The following TTLL6 variants were observed in gnomAD, a reference collection of about 807,000 sequenced individuals.
TTLL6 encodes tubulin tyrosine ligase like 6.
Under a neutral mutation model 96.4 loss-of-function variants are expected in TTLL6, and 75 were observed. The observed-to-expected ratio is 0.78, with a 90% CI of 0.65 to 0.94. TTLL6 has a LOEUF of 0.94. Ranked by LOEUF, TTLL6 falls within the 40% of genes least tolerant of loss-of-function variation. TTLL6 has a pLI of 0.00. For missense variants in TTLL6, 1,030 were observed against 1,093.0 expected (o/e 0.94, Z 0.81); for synonymous variants, 411 against 419.4 (o/e 0.98, Z 0.24).
intron 1 of TTLL6, among the ~76,000 whole-genome samples, chr17:48,809,944 C>T (rs1055044438): frequency 3.8e-4 from 58 of 151,770 alleles, no homozygotes; most frequent in African/African-American, 1.4e-3. Context: ...TCGAGACCAG[C>T]CTGACCAACA....
chr17:48,806,649 A>C (rs1482536340), intron 1 of TTLL6, among the ~76,000 whole-genome samples: 4 of 152,170 alleles, frequency 2.6e-5, no homozygotes. Flanking sequence ...GAGGCTTAGA[A>C]AATGAGGTAG....
At chr17:48,807,105 G>A (rs1344273383) in intron 1 of TTLL6, among the ~76,000 whole-genome samples, 28 of 149,452 alleles carry the variant, frequency 1.9e-4, no homozygotes, top group Admixed American at 1.5e-3. Context: ...TTTGTTTTTC[G>A]AGAGGGAGTT....
At chr17:48,790,332 G>A (rs1315903159) in intron 9 of TTLL6, among the ~76,000 whole-genome samples, 1 of 152,200 alleles carries the variant, frequency 6.6e-6, no homozygotes, top group African/African-American at 2.4e-5. Flanking sequence ...TCTTCTTTGG[G>A]AGCATCAGGG....
Position 48,804,936 on chromosome 17 carries a change from C to CGGGCA in TTLL6, c.154_158dup (p.Thr54AlafsTer32). 1 of 1,470,800 alleles carries CGGGCA rather than the reference C, an allele frequency of 6.8e-7. No homozygotes were observed. Among genetic ancestry groups the CGGGCA allele is most frequent in the African/African-American group, 1.4e-5 (1 of 72,304 alleles). 91.1% of individuals were successfully genotyped at this position (1,470,800 alleles called of 1,614,324 possible). ...TTTCCCCTTCCTGGCTTTCCAAAGT[C>CGGGCA]GGGCACTGTGGCATCTCCCTGGCCT... On this transcript the variant is annotated frameshift_variant, in exon 2 of 16. Coordinates refer to ENST00000393382, the MANE Select transcript of TTLL6 (RefSeq NM_001130918.3). LOFTEE classifies it high-confidence loss of function.
intron 8 of TTLL6, 100 bp from the exon 9 acceptor site, chr17:48,791,703 C>T (rs1386878994): frequency 9.8e-7 from 1 of 1,020,212 alleles, no homozygotes; most frequent in Non-Finnish European, 1.4e-6. Context: ...AGACAAGGCT[C>T]CAGAGCCAGC....
intron 8 of TTLL6, among the ~76,000 whole-genome samples, chr17:48,791,977 T>C (rs949937392): frequency 3.9e-5 from 6 of 152,200 alleles, no homozygotes; most frequent in African/African-American, 1.2e-4. Flanking sequence ...TGGTGTTCAT[T>C]AGAAGCATGT....
At chr17:48,778,283 G>GAAAAAAAAAAAAAAAAAAAAAAAAA in intron 13 of TTLL6, among the ~76,000 whole-genome samples, 1 of 114,716 alleles carries the variant, frequency 8.7e-6, no homozygotes, top group Non-Finnish European at 1.9e-5. Context: ...TCTCAAAAAA[G>GAAAAAAAAAAAAAAAAAAAAAAAAA]AAAAAAAAAA....
At chr17:48,788,051 C>G in intron 10 of TTLL6, 52 bp from the exon 11 acceptor site, 1 of 1,579,158 alleles carries the variant, frequency 6.3e-7, no homozygotes, top group Non-Finnish European at 8.6e-7. Context: ...GGGACAAAGC[C>G]TGGAAGGGAT....
In TTLL6 at chr17:48,790,065, A is replaced by C. The variant is rs776774213; in HGVS notation, c.1266T>G (p.Asp422Glu). 47 of 1,613,926 alleles carry C rather than the reference A, an allele frequency of 2.9e-5. No individual in the cohort carries two copies. In the East Asian group the frequency reaches 1.0e-3, roughly 36 times the overall value. ...ACAGCAGACCATCTTTCACCTCTTT[A>C]TCCAACCGAGAGTCGGTGGAGAAGC... is the stretch of plus-strand genomic sequence containing the variant. Reference protein sequence around the residue: ...SPSFSTDSRLDKEVKDGLLYD... With the variant: ...SPSFSTDSRLEKEVKDGLLYD... The change falls in exon 10 of 16, where the codon GAT (aspartate) becomes GAG (glutamate). Residue 422 changes from aspartate to glutamate, a missense_variant. Asp to Glu is a conservative substitution (Grantham distance 45, BLOSUM62 2). Coordinates refer to ENST00000393382, the MANE Select transcript of TTLL6 (RefSeq NM_001130918.3).
At chr17:48,781,508 AT>A (rs923785271) in intron 13 of TTLL6, among the ~76,000 whole-genome samples, 2 of 152,142 alleles carry the variant, frequency 1.3e-5, no homozygotes, top group African/African-American at 4.8e-5. Flanking sequence ...CCTAACAGCT[AT>A]GAGGTGATAT....
rs2039092207 is a variant in TTLL6 at position 48,786,275 on chromosome 17, C to A, written c.1650G>T (p.Lys550Asn). ...REKKPFQMKKKVEMQGESAGE... is the reference protein window; with the variant it reads ...REKKPFQMKKNVEMQGESAGE... ...CTGCCGATTCCCCCTGCATCTCTAC[C>A]TTCTTCTTCATTTGGAAGGGCTTTT... Residue 550 changes from lysine (K) to asparagine (N), a missense_variant, in exon 12 of 16, where the codon AAG (lysine) becomes AAT (asparagine). Coordinates refer to ENST00000393382, the MANE Select transcript of TTLL6 (RefSeq NM_001130918.3). 1 of 1,614,122 alleles carries A rather than the reference C, an allele frequency of 6.2e-7. No homozygotes were observed. The highest frequency in any genetic ancestry group is 8.5e-7 in the Non-Finnish European group (1 of 1,180,056).
chr17:48,776,401 C>CT (rs2038871951), intron 13 of TTLL6, among the ~76,000 whole-genome samples: 1 of 152,106 alleles, frequency 6.6e-6, no homozygotes, highest in Non-Finnish European at 1.5e-5. Context: ...GTGGAGGTTG[C>CT]AGTGAGCCGA....
intron 13 of TTLL6, among the ~76,000 whole-genome samples, chr17:48,774,887 C>A (rs1282658420): frequency 2.6e-5 from 4 of 152,116 alleles, no homozygotes; most frequent in African/African-American, 9.7e-5. Flanking sequence ...AATCCCAGCA[C>A]TTTGGAAGGC....
chr17:48,796,169 G>A (rs1372580900), intron 7 of TTLL6, 23 bp from the exon 8 acceptor site: 3 of 1,543,112 alleles, frequency 1.9e-6, no homozygotes, highest in Non-Finnish European at 2.6e-6. Flanking sequence ...ACACACATCT[G>A]TCGGGTCAGC....
In TTLL6 at chr17:48,817,096, C is replaced by T. The variant is rs902210423; in HGVS notation, c.-24G>A. ...ATTGGCTGCCAGACAGCCCCAACCC[C>T]AACCCGCGCTCGCCCTAACTTTGGG... On this transcript the variant is annotated 5_prime_UTR_variant, in exon 1 of 16. Transcript: ENST00000393382. 12 of 1,523,636 alleles carry T rather than the reference C, an allele frequency of 7.9e-6. No individual in the cohort carries two copies. The allele number at this position is 1,523,636 out of a possible 1,614,324, so 94.4% of individuals were successfully genotyped here. A position where few individuals can be genotyped will look rare whatever the true frequency, so the allele number is the denominator to read the frequency against.
At chr17:48,790,323 C>T (rs2039195407) in intron 9 of TTLL6, among the ~76,000 whole-genome samples, 1 of 152,236 alleles carries the variant, frequency 6.6e-6, no homozygotes, top group African/African-American at 2.4e-5. Flanking sequence ...TCAGGCCTTT[C>T]TTCTTTGGGA....
At chr17:48,766,815 C>T (rs963864112) in intron 15 of TTLL6, among the ~76,000 whole-genome samples, 1 of 152,208 alleles carries the variant, frequency 6.6e-6, no homozygotes, top group Non-Finnish European at 1.5e-5. Context: ...CCTTAGGGAT[C>T]AGAGTTTTGC....
At chr17:48,786,991 G>A (rs138375145) in intron 11 of TTLL6, among the ~76,000 whole-genome samples, 242 of 152,042 alleles carry the variant, frequency 1.6e-3, no homozygotes, top group African/African-American at 5.6e-3. Context: ...CACCACTCTC[G>A]GCTAATTTTT....
chr17:48,772,886 C>G (rs1015241807), intron 13 of TTLL6, among the ~76,000 whole-genome samples: 14 of 152,072 alleles, frequency 9.2e-5, no homozygotes, highest in African/African-American at 2.7e-4. Flanking sequence ...GCACCTGTGT[C>G]CCACCTATTT....
Sources: gnomAD v4.1 joint callset for allele counts (sites outside exome capture counted in the v4.1 genomes callset) on GRCh38, gnomAD v4.1.1 for gene constraint, MANE v1.5 for transcripts, NCBI Gene and HGNC (gene_info 2026-07-23, HGNC 2026-07-21) for gene names.